Variants in GPR39 observed in about 807,000 individuals in gnomAD.
The protein encoded by GPR39 is G protein-coupled receptor 39, also known as zinc sensing receptor.
A neutral mutation model predicts 18.4 loss-of-function variants in GPR39; 23 were observed. That is an observed-to-expected ratio of 1.25 (90% CI 0.90 to 1.77). The LOEUF is 1.77. GPR39 is among the 40% of genes most tolerant of loss of function. GPR39 has a pLI of 0.00. For missense variants in GPR39, 647 were observed against 602.4 expected, an observed-to-expected ratio of 1.07 and a Z score of -0.78; for synonymous variants, 280 against 257.9, an observed-to-expected ratio of 1.09 and a Z score of -0.82.
chr2:132,638,618 A>G (rs1345617423), intron 1 of GPR39, among the ~76,000 whole-genome samples: 1 of 152,224 alleles, frequency 6.6e-6, no homozygotes, highest in Non-Finnish European at 1.5e-5. Flanking sequence ...CGGGTCAGAC[A>G]AGGTCAGTGA....
intron 1 of GPR39, among the ~76,000 whole-genome samples, chr2:132,501,958 G>T (rs953650927): frequency 6.6e-6 from 1 of 152,026 alleles, no homozygotes; most frequent in Non-Finnish European, 1.5e-5. Flanking sequence ...ACCTTAAGTT[G>T]ATGTGAGTAC....
chr2:132,590,396 A>C (rs1349145461), intron 1 of GPR39, among the ~76,000 whole-genome samples: 1 of 152,108 alleles, frequency 6.6e-6, no homozygotes, highest in Admixed American at 6.5e-5. Context: ...TCCTCAGAGG[A>C]TCAGCCCTGA....
rs578140867 is a variant in GPR39 at position 132,452,866 on chromosome 2, T to C, written c.856+34968T>C. On this transcript the variant is annotated intron_variant, in intron 1 of 1. Transcript: ENST00000329321. ...CTGTATATATGCCACATTTTCTTAA[T>C]CCAGTTCTATTCATTGATGGATATT... Among the ~76,000 whole-genome samples, 19 of 53,640 alleles carry C rather than the reference T, an allele frequency of 3.5e-4. No homozygotes were observed. In the East Asian group the frequency reaches 4.3e-3, roughly 12 times the overall value. The allele number at this position is 53,640 out of a possible 152,430, so 35.2% of individuals were successfully genotyped here.
chr2:132,479,158 T>G (rs1681185986), intron 1 of GPR39, among the ~76,000 whole-genome samples: 1 of 152,212 alleles, frequency 6.6e-6, no homozygotes, highest in African/African-American at 2.4e-5. Context: ...TAATGACTAT[T>G]TATTAAAGGC....
intron 1 of GPR39, among the ~76,000 whole-genome samples, chr2:132,494,270 G>A (rs1681596205): frequency 6.6e-6 from 1 of 152,134 alleles, no homozygotes; most frequent in Admixed American, 6.5e-5. Context: ...ACATCCTCCT[G>A]AGAAAGACCT....
chr2:132,540,026 T>A (rs1679834501), intron 1 of GPR39, among the ~76,000 whole-genome samples: 1 of 152,096 alleles, frequency 6.6e-6, no homozygotes, highest in East Asian at 1.9e-4. Context: ...AGGAAGTTGC[T>A]ATTAAGAAGA....
rs181484939 is a variant in GPR39, at chr2:132,590,988, A to C, written c.857-54113A>C. 2.1e-3 allele frequency among the ~76,000 whole-genome samples: 315 copies of C among 151,640 alleles called. 2 individuals are homozygous for C. The highest frequency in any genetic ancestry group is 3.6e-3 in the Non-Finnish European group (245 of 67,894). On this transcript the variant is annotated intron_variant, in intron 1 of 1. Transcript: ENST00000329321. ...AGGAACAGGCCGGGCGCGGTGGCTC[A>C]CGCCTGTAATCCCAGCACTTTGGGA... is the stretch of plus-strand genomic sequence containing the variant.
At chr2:132,517,926 A>T (rs1429519914) in intron 1 of GPR39, among the ~76,000 whole-genome samples, 1 of 152,222 alleles carries the variant, frequency 6.6e-6, no homozygotes, top group African/African-American at 2.4e-5. Flanking sequence ...GGGTATATTG[A>T]AACCATTGAC....
intron 1 of GPR39, among the ~76,000 whole-genome samples, chr2:132,525,454 C>G (rs1184414139): frequency 6.6e-6 from 1 of 152,196 alleles, no homozygotes; most frequent in South Asian, 2.1e-4. Context: ...CCCTGACTTT[C>G]GTCATCATTT....
chr2:132,572,137 G>GCTTTCCTGGGTTATGTTT (rs1358430173), intron 1 of GPR39, among the ~76,000 whole-genome samples: 2 of 152,134 alleles, frequency 1.3e-5, no homozygotes, highest in East Asian at 3.9e-4. Flanking sequence ...AGCCCTCCTG[G>GCTTTCCTGGGTTATGTTT]CTTTCCTGGG....
chr2:132,519,763 T>C (rs1255015004), intron 1 of GPR39, among the ~76,000 whole-genome samples: 1 of 152,220 alleles, frequency 6.6e-6, no homozygotes, highest in East Asian at 1.9e-4. Context: ...GACACTCTGA[T>C]AAGCTTCAGC....
chr2:132,461,121 A>G (rs531942302), intron 1 of GPR39, among the ~76,000 whole-genome samples: 17 of 152,330 alleles, frequency 1.1e-4, no homozygotes, highest in Admixed American at 2.0e-4. Flanking sequence ...CTTGCCCTAG[A>G]ATAATCGTAT....
intron 1 of GPR39, among the ~76,000 whole-genome samples, chr2:132,528,206 T>A (rs1679547153): frequency 6.6e-6 from 1 of 152,304 alleles, no homozygotes; most frequent in African/African-American, 2.4e-5. Flanking sequence ...CCATTGCTTG[T>A]TTTTGTCAGG....
At chr2:132,512,068 C>G (rs1338841094) in intron 1 of GPR39, among the ~76,000 whole-genome samples, 1 of 152,164 alleles carries the variant, frequency 6.6e-6, no homozygotes, top group East Asian at 1.9e-4. Context: ...CTGGGGGCTC[C>G]CTTTTTCCTC....
At position 132,646,026 on chromosome 2, in the gene GPR39, G is replaced by T; in HGVS notation, c.*420G>T. On this transcript the variant is annotated 3_prime_UTR_variant, in exon 2 of 2. Transcript: ENST00000329321. ...GGGCTGGAAGAACAATGCAGGAGGG[G>T]GTGGCATCTCCTTCAGCTTCAGCAG... 1 of 1,507,820 alleles carries T rather than the reference G, an allele frequency of 6.6e-7. No individual in the cohort carries two copies. The highest frequency in any genetic ancestry group is 8.9e-7 in the Non-Finnish European group (1 of 1,118,928). 93.4% of individuals were successfully genotyped at this position (1,507,820 alleles called of 1,614,324 possible).
chr2:132,423,023 A>G (rs920582155), intron 1 of GPR39, among the ~76,000 whole-genome samples: 2 of 151,986 alleles, frequency 1.3e-5, no homozygotes, highest in Admixed American at 1.3e-4. Flanking sequence ...GCCGTGGAAG[A>G]ATATTGAATT....
intron 1 of GPR39, among the ~76,000 whole-genome samples, chr2:132,585,762 C>T (rs1302939258): frequency 6.6e-6 from 1 of 151,956 alleles, no homozygotes; most frequent in Admixed American, 6.6e-5. Flanking sequence ...TCTAATAACT[C>T]CCTCCTGCCG....
chr2:132,643,620 C>T (rs1294888753), intron 1 of GPR39, among the ~76,000 whole-genome samples: 3 of 152,180 alleles, frequency 2.0e-5, no homozygotes, highest in African/African-American at 2.4e-5. Context: ...CTCAAGTGAT[C>T]CTCCCGCCTC....
At chr2:132,643,580 C>T (rs1206629965) in intron 1 of GPR39, among the ~76,000 whole-genome samples, 1 of 152,194 alleles carries the variant, frequency 6.6e-6, no homozygotes, top group Non-Finnish European at 1.5e-5. Context: ...GTGGCACATT[C>T]GTGTCTCACT....
Sources: gnomAD v4.1 joint callset for allele counts (sites outside exome capture counted in the v4.1 genomes callset) on GRCh38, gnomAD v4.1.1 for gene constraint, MANE v1.5 for transcripts, NCBI Gene and HGNC (gene_info 2026-07-23, HGNC 2026-07-21) for gene names.